SCAF8: variants seen among roughly 807,000 people sequenced by gnomAD.
SCAF8 encodes SR-related and CTD-associated factor 8.
In SCAF8, 23 loss-of-function variants were observed where a neutral mutation model predicts 140.5. The observed-to-expected ratio is 0.16, with a 90% confidence interval of 0.12 to 0.23. The LOEUF (loss-of-function observed/expected upper bound fraction) is 0.23. SCAF8 is among the 10% of genes least tolerant of loss of function. SCAF8 has a pLI of 1.00. For synonymous variants in SCAF8, 575 were observed against 528.9 expected (o/e 1.09, Z -1.20); for missense variants, 1,397 against 1,555.7 (o/e 0.90, Z 1.72).
At chr6:154,794,261 A>G (rs895639748) in intron 5 of SCAF8, among the ~76,000 whole-genome samples, 3 of 152,152 alleles carry the variant, frequency 2.0e-5, no homozygotes, top group African/African-American at 7.2e-5. Context: ...TGTACTTACT[A>G]TAAAATTTTT....
intron 3 of SCAF8, among the ~76,000 whole-genome samples, chr6:154,786,144 C>T (rs1430487772): frequency 2.0e-5 from 3 of 152,204 alleles, no homozygotes; most frequent in South Asian, 4.2e-4. Context: ...CAAGAGCATT[C>T]GGGGTTGGAT....
At position 154,787,847 on chromosome 6, in the gene SCAF8, C is replaced by CT. The variant is rs1197170673; in HGVS notation, c.160-7dup. The stretch of plus-strand genomic sequence containing the variant: ...TCCGTTTCCTTTCCTTTTCATTCTT[C>CT]TTTTTTTCATCAGTGTAAACCAGAA... On this transcript the variant is annotated splice_polypyrimidine_tract_variant and intron_variant, in intron 3 of 19. Coordinates refer to ENST00000367178, the MANE Select transcript of SCAF8 (RefSeq NM_014892.5). The CT allele has an allele frequency of 6.3e-7, 1 of 1,576,464 alleles. No individual in the cohort carries two copies. Among genetic ancestry groups the CT allele is most frequent in the Non-Finnish European group, 8.6e-7 (1 of 1,161,812 alleles).
chr6:154,799,841 T>C lies in SCAF8; in HGVS notation c.607-2130T>C, dbSNP rs1051592526. Among the ~76,000 whole-genome samples, 11 of 151,090 alleles carry C rather than the reference T, an allele frequency of 7.3e-5. 2 individuals are homozygous for C. Among genetic ancestry groups the C allele is most frequent in the Non-Finnish European group, 1.2e-4 (8 of 67,664 alleles). ...CTCTGTCACCCAGGCTGGAGTGTAA[T>C]TGGCGCAATCTCGGCTCATTGCAAC... On this transcript the variant is annotated intron_variant, in intron 6 of 19. Transcript: ENST00000367178.
At chr6:154,746,413 A>G (rs900704071) in intron 1 of SCAF8, among the ~76,000 whole-genome samples, 1 of 152,150 alleles carries the variant, frequency 6.6e-6, no homozygotes, top group Non-Finnish European at 1.5e-5. Flanking sequence ...TGTAAATTAT[A>G]TATATACATA....
At position 154,770,202 on chromosome 6, in the gene SCAF8, A is replaced by G. The variant is rs573784258; in HGVS notation, c.31-3787A>G. Among the ~76,000 whole-genome samples the G allele has an allele frequency of 3.9e-5, 6 of 152,224 alleles. No individual in the cohort carries two copies. The South Asian group carries it at 1.0e-3, about 26-fold the overall frequency. On this transcript the variant is annotated intron_variant, in intron 1 of 19. Transcript: ENST00000367178. ...GGTGGCTCACACCTGTAATCTCAGCAGGGAGATGTGGGAGGCCGAGGCGGG... is the reference window on the plus strand; with the variant it reads ...GGTGGCTCACACCTGTAATCTCAGCGGGGAGATGTGGGAGGCCGAGGCGGG...
At chr6:154,777,979 C>T in intron 2 of SCAF8, 22 bp from the exon 3 acceptor site, 1 of 1,441,472 alleles carries the variant, frequency 6.9e-7, no homozygotes, top group Non-Finnish European at 9.7e-7. Context: ...TAAAACCATA[C>T]TTCATTTTTT....
At chr6:154,789,834 C>T (rs1347465702) in intron 4 of SCAF8, among the ~76,000 whole-genome samples, 2 of 152,128 alleles carry the variant, frequency 1.3e-5, no homozygotes, top group African/African-American at 2.4e-5. Context: ...CGTGAGCCAC[C>T]GCGCCTGGCC....
At chr6:154,806,801 G>A (rs1214702285) in intron 9 of SCAF8, among the ~76,000 whole-genome samples, 1 of 150,878 alleles carries the variant, frequency 6.6e-6, no homozygotes, top group Admixed American at 6.6e-5. Context: ...AGTGGCCAGA[G>A]TAGGGGCAGT....
At chr6:154,749,633 C>T (rs935547444) in intron 1 of SCAF8, among the ~76,000 whole-genome samples, 8 of 152,066 alleles carry the variant, frequency 5.3e-5, no homozygotes, top group Non-Finnish European at 1.2e-4. Context: ...GTGTGCAAAA[C>T]GTAAAAGCTC....
intron 1 of SCAF8, among the ~76,000 whole-genome samples, chr6:154,764,900 A>G (rs1776518488): frequency 1.3e-5 from 2 of 152,328 alleles, no homozygotes; most frequent in African/African-American, 2.4e-5. Flanking sequence ...GCAGGTTAAC[A>G]TTATCTGATT....
chr6:154,820,296 A>G lies in SCAF8; in HGVS notation c.1755A>G (p.Ala585=). 6.2e-7 allele frequency: 1 copy of G among 1,611,862 alleles called. No individual in the cohort carries two copies. Among genetic ancestry groups the G allele is most frequent in the Non-Finnish European group, 8.5e-7 (1 of 1,179,334 alleles). The change falls in exon 15 of 20, where the codon GCA becomes GCG. Residue 585 remains alanine (A), a synonymous_variant. Transcript: ENST00000367178. ...AAGTGGATGACTTGGAAGGTTTTGC[A>G]GAAGGAGGCATGATTGATCAGGAGA... ...KVKVDDLEGF[A]EGGMIDQETV...
rs906104483 is a variant in SCAF8, at chr6:154,803,479, G to A, written c.784-65G>A. The A allele has an allele frequency of 1.9e-5, 20 of 1,070,604 alleles. No homozygotes were observed. In the African/African-American group the frequency reaches 2.2e-4, roughly 12 times the overall value. The allele number at this position is 1,070,604 out of a possible 1,614,324, so 66.3% of individuals were successfully genotyped here. ...CGGAATGCCATTGACATTTAAAATA[G>A]CATTTGTAACTTGTATTTGTGTGAA... On this transcript the variant is annotated intron_variant, in intron 7 of 19. Transcript: ENST00000367178.
At chr6:154,744,252 A>G (rs1421080020) in intron 1 of SCAF8, among the ~76,000 whole-genome samples, 1 of 152,126 alleles carries the variant, frequency 6.6e-6, no homozygotes, top group African/African-American at 2.4e-5. Flanking sequence ...AGATTGCACC[A>G]CTGCACTCTA....
At chr6:154,792,332 C>T (rs1777444968) in intron 4 of SCAF8, among the ~76,000 whole-genome samples, 1 of 152,148 alleles carries the variant, frequency 6.6e-6, no homozygotes, top group African/African-American at 2.4e-5. Flanking sequence ...TGAGGAAATG[C>T]CCTCTCCTCA....
At chr6:154,767,319 C>T (rs1776605468) in intron 1 of SCAF8, among the ~76,000 whole-genome samples, 1 of 151,940 alleles carries the variant, frequency 6.6e-6, no homozygotes, top group South Asian at 2.1e-4. Flanking sequence ...TCTATACCCT[C>T]CTGCTTTAAA....
intron 3 of SCAF8, among the ~76,000 whole-genome samples, chr6:154,784,115 C>A (rs1777165173): frequency 1.1e-5 from 1 of 91,234 alleles, no homozygotes; most frequent in African/African-American, 4.0e-5. Context: ...TCTCTGGTGT[C>A]TTGAGATATA....
chr6:154,832,893 G>C lies in SCAF8; in HGVS notation c.3314G>C (p.Arg1105Pro). The change falls in exon 20 of 20, where the codon CGG becomes CCG. Residue 1105 changes from arginine (R) to proline (P), a missense_variant. By Grantham distance (103) the Arg-to-Pro change is moderately radical. Around this residue, in one of 5 missense-constraint regions of SCAF8, gnomAD observed 930 missense variants for 874.6 expected, o/e 1.06. Coordinates refer to ENST00000367178, the MANE Select transcript of SCAF8 (RefSeq NM_014892.5). ...GGAGATTTTGATGAGAGAGAGCATC[G>C]GGTTCTACCGGTCTATGGTGGTCCA... ...HRGDFDEREH[R>P]VLPVYGGPKG... The C allele has an allele frequency of 6.2e-7, 1 of 1,614,022 alleles. No homozygotes were observed. Among genetic ancestry groups the C allele is most frequent in the Non-Finnish European group, 8.5e-7 (1 of 1,179,990 alleles).
intron 5 of SCAF8, among the ~76,000 whole-genome samples, chr6:154,794,062 C>T (rs1338617605): frequency 2.0e-5 from 3 of 151,894 alleles, no homozygotes; most frequent in Non-Finnish European, 4.4e-5. Flanking sequence ...GGTGGGACTA[C>T]AGGCATGCAC....
At position 154,735,519 on chromosome 6, in the gene SCAF8, C is replaced by CTTT. The variant is rs11406318; in HGVS notation, c.30+1603_30+1605dup. Among the ~76,000 whole-genome samples the CTTT allele has an allele frequency of 4.0e-3, 544 of 135,498 alleles. 5 individuals carry two copies. Among genetic ancestry groups the CTTT allele is most frequent in the African/African-American group, 0.012 (422 of 36,472 alleles). 88.9% of individuals were successfully genotyped at this position (135,498 alleles called of 152,430 possible). On this transcript the variant is annotated intron_variant, in intron 1 of 19. Coordinates refer to ENST00000367178, the MANE Select transcript of SCAF8 (RefSeq NM_014892.5). ...TTAGAGCAATAGACTTGGGAATCTTCTTTTTTTTTTTTTTTTGAGACAGAG... is the reference window on the plus strand; with the variant it reads ...TTAGAGCAATAGACTTGGGAATCTTCTTTTTTTTTTTTTTTTTTTGAGACAGAG...
Sources: allele counts gnomAD v4.1 joint callset (sites outside exome capture counted in the v4.1 genomes callset), GRCh38; gene constraint gnomAD v4.1.1; regional missense constraint gnomAD v4.1.1; transcripts MANE v1.5; gene names NCBI Gene and HGNC (gene_info 2026-07-23, HGNC 2026-07-21).